Variants in EEFSEC observed in about 807,000 individuals in gnomAD.
EEFSEC encodes selenocysteine-specific elongation factor.
A neutral mutation model predicts 42.1 loss-of-function variants in EEFSEC; 43 were observed. The observed-to-expected ratio is 1.02, with a 90% CI of 0.80 to 1.32. The LOEUF (loss-of-function observed/expected upper bound fraction) is 1.32. Ranked by LOEUF, EEFSEC falls within the 40% of genes most tolerant of loss-of-function variation. The probability of loss-of-function intolerance (pLI) is 0.00; values close to 1 mark genes in which losing one functional copy is unlikely to be tolerated. For synonymous variants in EEFSEC, 354 were observed against 339.1 expected (o/e 1.04, Z -0.48); for missense variants, 745 against 803.6 (o/e 0.93, Z 0.88).
intron 2 of EEFSEC, among the ~76,000 whole-genome samples, chr3:128,254,052 G>A (rs951773980): frequency 3.9e-5 from 6 of 152,336 alleles, no homozygotes; most frequent in African/African-American, 1.4e-4. Flanking sequence ...GTTGAATTAA[G>A]CTCCTCCCAA....
chr3:128,385,685 C>T (rs1001901897), intron 6 of EEFSEC, among the ~76,000 whole-genome samples: 1 of 152,258 alleles, frequency 6.6e-6, no homozygotes, highest in Admixed American at 6.5e-5. Context: ...CCACCACTCA[C>T]TGGCTAAGCT....
chr3:128,236,181 G>A (rs946994487), intron 1 of EEFSEC, among the ~76,000 whole-genome samples: 6 of 152,308 alleles, frequency 3.9e-5, no homozygotes, highest in South Asian at 2.1e-4. Flanking sequence ...CACCACATCG[G>A]CCAGGCTGGC....
intron 4 of EEFSEC, among the ~76,000 whole-genome samples, chr3:128,333,705 C>T (rs2067158825): frequency 6.6e-6 from 1 of 152,184 alleles, no homozygotes; most frequent in Non-Finnish European, 1.5e-5. Flanking sequence ...CCTACTATTT[C>T]ATGCAAGATG....
chr3:128,287,704 G>A (rs2066600865), intron 4 of EEFSEC, among the ~76,000 whole-genome samples: 1 of 152,128 alleles, frequency 6.6e-6, no homozygotes, highest in South Asian at 2.1e-4. Context: ...CCATCAGTTG[G>A]GGATGCAATA....
intron 1 of EEFSEC, among the ~76,000 whole-genome samples, chr3:128,154,402 G>A (rs1944332128): frequency 6.6e-6 from 1 of 151,790 alleles, no homozygotes; most frequent in Admixed American, 6.6e-5. Context: ...TCTTTTTAAA[G>A]CTCACATAGA....
In EEFSEC at chr3:128,153,587, T is replaced by C; in HGVS notation, c.80T>C (p.Leu27Pro). Reference sequence around the variant, plus strand: ...GGCAAGACGGCGCTGGCGCGGGCGCTAAGCACCACAGCCTCCACCGCCGCC... The same window carrying C: ...GGCAAGACGGCGCTGGCGCGGGCGCCAAGCACCACAGCCTCCACCGCCGCC... ...DSGKTALARA[L>P]STTASTAAFD... is the part of the protein sequence containing the mutation. Residue 27 changes from leucine (L) to proline (P), a missense_variant, in exon 1 of 7, where the codon CTA (leucine) becomes CCA (proline). Coordinates refer to ENST00000254730, the MANE Select transcript of EEFSEC (RefSeq NM_021937.5). 6.4e-7 allele frequency: 1 copy of C among 1,574,268 alleles called. No individual in the cohort carries two copies.
At chr3:128,218,482 C>T (rs1284989166) in intron 1 of EEFSEC, among the ~76,000 whole-genome samples, 1 of 152,200 alleles carries the variant, frequency 6.6e-6, no homozygotes, top group Non-Finnish European at 1.5e-5. Context: ...GCGCAGTGTC[C>T]ATGTCTTAGA....
intron 1 of EEFSEC, among the ~76,000 whole-genome samples, chr3:128,163,802 C>T (rs2065216772): frequency 6.6e-6 from 1 of 152,060 alleles, no homozygotes; most frequent in African/African-American, 2.4e-5. Context: ...CAATATGTGG[C>T]CTTTTTGTCT....
Position 128,367,801 on chromosome 3 carries a change from A to G in EEFSEC, c.1600+9428A>G, listed in dbSNP as rs939832286. On this transcript the variant is annotated intron_variant, in intron 6 of 6. Transcript: ENST00000254730. ...AGCCCTCCAAAGAAACCAGCTCTAC[A>G]ATAAGACTCCCTTTTCCTGTCACCC... is the stretch of plus-strand genomic sequence containing the variant. The G allele has an allele frequency of 5.1e-6, 5 of 985,238 alleles. No individual in the cohort carries two copies. The African/African-American group carries it at 8.7e-5, about 17-fold the overall frequency. 61.0% of individuals were successfully genotyped at this position (985,238 alleles called of 1,614,324 possible). A position where few individuals can be genotyped will look rare whatever the true frequency, so the allele number is the denominator to read the frequency against.
At chr3:128,362,417 G>C (rs1735545) in intron 6 of EEFSEC, among the ~76,000 whole-genome samples, 45,335 of 152,144 alleles carry the variant, frequency 0.3, 7,175 homozygotes, top group East Asian at 0.46. Flanking sequence ...GCACACATGT[G>C]CCCGTGATCT....
chr3:128,239,013 GCTCAGGGGTCTCCCT>G (rs2107882770), intron 1 of EEFSEC, among the ~76,000 whole-genome samples: 1 of 152,372 alleles, frequency 6.6e-6, no homozygotes, highest in South Asian at 2.1e-4. Context: ...AGCTTCTCCT[GCTCAGGGGTCTCCCT>G]GCAAGTCTGG....
At chr3:128,346,826 G>C (rs1054644212) in intron 5 of EEFSEC, among the ~76,000 whole-genome samples, 1 of 152,154 alleles carries the variant, frequency 6.6e-6, no homozygotes, top group Non-Finnish European at 1.5e-5. Context: ...AAAACCTTTT[G>C]TTGTGAACAT....
At chr3:128,273,777 G>A (rs1286617117) in intron 4 of EEFSEC, among the ~76,000 whole-genome samples, 1 of 152,220 alleles carries the variant, frequency 6.6e-6, no homozygotes, top group Non-Finnish European at 1.5e-5. Flanking sequence ...TTGGAGCAGG[G>A]GAGAAATGGT....
Position 128,344,143 on chromosome 3 carries a change from C to G in EEFSEC, c.1443+2254C>G, listed in dbSNP as rs143031765. ...AGCTGAATGGGCACCTGCCTTAATG[C>G]TAGGGGCTGGCTGTAGGCTGGGGCT... On this transcript the variant is annotated intron_variant, in intron 5 of 6. Transcript: ENST00000254730. Among the ~76,000 whole-genome samples the G allele has an allele frequency of 1.7e-3, 256 of 152,368 alleles. 1 individual carries two copies. The highest frequency in any genetic ancestry group is 6.0e-3 in the African/African-American group (249 of 41,600).
At chr3:128,229,667 T>C (rs1373161426) in intron 1 of EEFSEC, among the ~76,000 whole-genome samples, 1 of 152,224 alleles carries the variant, frequency 6.6e-6, no homozygotes, top group Admixed American at 6.5e-5. Context: ...CCCATGGACA[T>C]GTTTTGTTTG....
chr3:128,341,205 A>C (rs758961777), intron 4 of EEFSEC, 28 bp from the exon 5 acceptor site: 13 of 1,569,804 alleles, frequency 8.3e-6, no homozygotes, highest in African/African-American at 1.4e-5. Flanking sequence ...TGTTGGTTTC[A>C]TGTGCTCTCT....
At chr3:128,195,079 C>A (rs2065570704) in intron 1 of EEFSEC, among the ~76,000 whole-genome samples, 1 of 151,520 alleles carries the variant, frequency 6.6e-6, no homozygotes, top group South Asian at 2.1e-4. Flanking sequence ...TGGCTGGTTT[C>A]CAGTAGCAGC....
At chr3:128,205,789 A>G (rs2065691087) in intron 1 of EEFSEC, among the ~76,000 whole-genome samples, 3 of 152,184 alleles carry the variant, frequency 2.0e-5, no homozygotes, top group African/African-American at 7.2e-5. Flanking sequence ...AGTTGTCTGA[A>G]AGGGAGGGCT....
the EEFSEC span, among the ~76,000 whole-genome samples, chr3:128,424,265 A>G: frequency 6.6e-6 from 1 of 152,166 alleles, no homozygotes; most frequent in African/African-American, 2.4e-5. Flanking sequence ...GCAGAAAGTA[A>G]CCTGCTTCCC....
Sources: allele counts gnomAD v4.1 joint callset (sites outside exome capture counted in the v4.1 genomes callset), GRCh38; gene constraint gnomAD v4.1.1; transcripts MANE v1.5; gene names NCBI Gene and HGNC (gene_info 2026-07-23, HGNC 2026-07-21).